ELP3: variants seen among roughly 807,000 people sequenced by gnomAD.
ELP3 encodes elongator acetyltransferase complex subunit 3, also known as elongator complex protein 3.
Under a neutral mutation model 74.9 loss-of-function variants are expected in ELP3, and 56 were observed. The observed-to-expected ratio is 0.75, with a 90% CI of 0.60 to 0.93. The LOEUF (loss-of-function observed/expected upper bound fraction) is 0.93, where lower values mean the gene tolerates loss of function less well. Ranked by LOEUF, ELP3 falls within the 40% of genes least tolerant of loss-of-function variation. ELP3 has a pLI of 0.00. For missense variants in ELP3, 573 were observed against 686.5 expected, an observed-to-expected ratio of 0.83 and a Z score of 1.85; for synonymous variants, 222 against 239.8, an observed-to-expected ratio of 0.93 and a Z score of 0.68.
At chr8:28,184,919 G>T (rs1359694253) in intron 14 of ELP3, among the ~76,000 whole-genome samples, 1 of 150,330 alleles carries the variant, frequency 6.7e-6, no homozygotes, top group African/African-American at 2.5e-5. Context: ...AGTGAGCCAA[G>T]ACCATGCCAT....
rs1169765535 is a variant in ELP3 at position 28,134,865 on chromosome 8, G to A, written c.906+2461G>A. ...TGCCTTTTGTTTTCTTTTTGTTTTG[G>A]TTGGCCCCTTAATGTACTTGGCTTT... On this transcript the variant is annotated intron_variant, in intron 9 of 14. Transcript: ENST00000256398. Among the ~76,000 whole-genome samples the A allele has an allele frequency of 6.0e-5, 9 of 148,926 alleles. No homozygotes were observed. The East Asian group carries it at 1.4e-3, about 22-fold the overall frequency.
chr8:28,099,672 A>G (rs1445853507), intron 2 of ELP3, among the ~76,000 whole-genome samples, 156 bp from the exon 3 acceptor site: 1 of 152,174 alleles, frequency 6.6e-6, no homozygotes, highest in African/African-American at 2.4e-5. Flanking sequence ...TTATTCTTCT[A>G]TTTCCCTGAT....
chr8:28,119,250 C>T (rs1053566703), intron 7 of ELP3, among the ~76,000 whole-genome samples: 3 of 152,104 alleles, frequency 2.0e-5, no homozygotes, highest in African/African-American at 7.2e-5. Context: ...ATCTTAGTCA[C>T]TTTAAGAGAG....
chr8:28,158,835 G>A (rs1238926091), intron 12 of ELP3, among the ~76,000 whole-genome samples: 1 of 152,166 alleles, frequency 6.6e-6, no homozygotes, highest in Non-Finnish European at 1.5e-5. Context: ...AACGAAGTCT[G>A]AACCTCATTC....
intron 13 of ELP3, among the ~76,000 whole-genome samples, chr8:28,161,244 T>C (rs1217196902): frequency 6.6e-6 from 1 of 152,176 alleles, no homozygotes; most frequent in Non-Finnish European, 1.5e-5. Flanking sequence ...CAAAATTGAT[T>C]ATTTAAGAAT....
intron 14 of ELP3, among the ~76,000 whole-genome samples, chr8:28,165,211 C>T (rs1351658556): frequency 6.6e-6 from 1 of 152,082 alleles, no homozygotes; most frequent in Non-Finnish European, 1.5e-5. Context: ...AGAATTCTAC[C>T]CCTTAGTATC....
At chr8:28,136,482 T>C (rs1320503297) in intron 9 of ELP3, among the ~76,000 whole-genome samples, 1 of 152,218 alleles carries the variant, frequency 6.6e-6, no homozygotes, top group African/African-American at 2.4e-5. Context: ...CCATACGTGC[T>C]CTTTGTGGGA....
intron 5 of ELP3, among the ~76,000 whole-genome samples, chr8:28,108,230 A>G (rs377539802): frequency 2.2e-4 from 33 of 152,314 alleles, no homozygotes; most frequent in African/African-American, 7.9e-4. Context: ...GTGCTTTACA[A>G]CTGTAAACCT....
chr8:28,109,595 TG>T (rs1811833312), intron 5 of ELP3, among the ~76,000 whole-genome samples: 1 of 152,198 alleles, frequency 6.6e-6, no homozygotes, highest in African/African-American at 2.4e-5. Context: ...TTGGAATATT[TG>T]CATATACATA....
chr8:28,152,860 C>G (rs923073704), intron 10 of ELP3, among the ~76,000 whole-genome samples: 1 of 152,184 alleles, frequency 6.6e-6, no homozygotes, highest in Non-Finnish European at 1.5e-5. Context: ...GTGTTTTATT[C>G]TAACAGTTGT....
At chr8:28,128,714 G>A (rs1292760872) in intron 7 of ELP3, among the ~76,000 whole-genome samples, 2 of 152,202 alleles carry the variant, frequency 1.3e-5, no homozygotes, top group African/African-American at 2.4e-5. Context: ...CATAGAGCTA[G>A]TGGGAGGATT....
intron 7 of ELP3, among the ~76,000 whole-genome samples, chr8:28,120,208 A>G (rs1221527780): frequency 2.6e-5 from 4 of 152,230 alleles, no homozygotes; most frequent in Non-Finnish European, 5.9e-5. Context: ...CCAATAATGT[A>G]TGAACATTTG....
chr8:28,126,394 G>A (rs1284182052), intron 7 of ELP3, among the ~76,000 whole-genome samples: 2 of 152,170 alleles, frequency 1.3e-5, no homozygotes, highest in African/African-American at 2.4e-5. Flanking sequence ...AGAGAACATA[G>A]CATCTTTTAT....
intron 3 of ELP3, among the ~76,000 whole-genome samples, chr8:28,103,781 A>G (rs141873521): frequency 3.9e-5 from 6 of 152,300 alleles, no homozygotes; most frequent in South Asian, 4.1e-4. Flanking sequence ...CACTGAGGCT[A>G]GAGTGTGGTG....
intron 14 of ELP3, among the ~76,000 whole-genome samples, chr8:28,189,158 A>T (rs1815356568): frequency 6.6e-6 from 1 of 152,240 alleles, no homozygotes; most frequent in Non-Finnish European, 1.5e-5. Context: ...AGTAGCCACA[A>T]GTGTACCTTC....
chr8:28,178,415 C>G (rs1335850762), intron 14 of ELP3, among the ~76,000 whole-genome samples: 1 of 152,136 alleles, frequency 6.6e-6, no homozygotes, highest in Non-Finnish European at 1.5e-5. Context: ...GTATGTATCC[C>G]TTAACTACAT....
At chr8:28,112,150 T>TTA (rs1231216612) in intron 6 of ELP3, among the ~76,000 whole-genome samples, 3 of 148,120 alleles carry the variant, frequency 2.0e-5, no homozygotes, top group Admixed American at 1.4e-4. Context: ...ATTATTATTA[T>TTA]TTTTTTTTTT....
At chr8:28,176,622 A>T (rs1563289612) in intron 14 of ELP3, among the ~76,000 whole-genome samples, 1 of 151,982 alleles carries the variant, frequency 6.6e-6, no homozygotes, top group African/African-American at 2.4e-5. Flanking sequence ...GGTTGCAATT[A>T]TTTTTTTTCC....
At chr8:28,115,226 A>G (rs1812080282) in intron 7 of ELP3, among the ~76,000 whole-genome samples, 1 of 152,110 alleles carries the variant, frequency 6.6e-6, no homozygotes, top group Non-Finnish European at 1.5e-5. Flanking sequence ...ATGCAAGAGA[A>G]GTCTGAGCTG....
Sources: allele counts gnomAD v4.1 joint callset (sites outside exome capture counted in the v4.1 genomes callset), GRCh38; gene constraint gnomAD v4.1.1; transcripts MANE v1.5; gene names NCBI Gene and HGNC (gene_info 2026-07-23, HGNC 2026-07-21).